Variants in RALGAPA1 observed in about 807,000 individuals in gnomAD.
The protein encoded by RALGAPA1 is Ral GTPase activating protein catalytic subunit alpha 1, also known as ral GTPase-activating protein subunit alpha-1.
A neutral mutation model predicts 269.6 loss-of-function variants in RALGAPA1; 52 were observed. That is an observed-to-expected ratio of 0.19 (90% CI 0.15 to 0.24). The LOEUF (loss-of-function observed/expected upper bound fraction) is 0.24, where lower values mean the gene tolerates loss of function less well. Among genes scored for constraint, RALGAPA1 ranks in the 10% least tolerant of loss-of-function variants. The probability of loss-of-function intolerance (pLI) is 1.00; values close to 1 mark genes in which losing one functional copy is unlikely to be tolerated. For missense variants in RALGAPA1, 1,917 were observed against 3,013.9 expected (o/e 0.64, Z 8.52); for synonymous variants, 817 against 1,008.3 (o/e 0.81, Z 3.60).
intron 10 of RALGAPA1, among the ~76,000 whole-genome samples, 193 bp from the exon 11 acceptor site, chr14:35,742,758 T>C (rs564109066): frequency 6.8e-6 from 1 of 146,554 alleles, no homozygotes; most frequent in Admixed American, 6.7e-5. Flanking sequence ...AAGGTATATT[T>C]CTAGTAAAAA....
At chr14:35,613,672 T>A (rs893575320) in intron 35 of RALGAPA1, among the ~76,000 whole-genome samples, 2 of 152,184 alleles carry the variant, frequency 1.3e-5, no homozygotes, top group Admixed American at 1.3e-4. Context: ...TACATACCCA[T>A]CTTTCCCGTG....
intron 2 of RALGAPA1, 72 bp downstream of exon 2, chr14:35,775,563 C>A: frequency 6.7e-7 from 1 of 1,490,110 alleles, no homozygotes; most frequent in South Asian, 1.4e-5. Context: ...ATATGTCCAA[C>A]AGCCTTTAAG....
At chr14:35,736,141 G>C (rs1350002814) in intron 12 of RALGAPA1, among the ~76,000 whole-genome samples, 1 of 152,210 alleles carries the variant, frequency 6.6e-6, no homozygotes, top group Non-Finnish European at 1.5e-5. Context: ...ACAAGAGGTA[G>C]TGTGTGTGCT....
chr14:35,579,332 A>G (rs2057792028), intron 37 of RALGAPA1, among the ~76,000 whole-genome samples: 1 of 152,124 alleles, frequency 6.6e-6, no homozygotes, highest in African/African-American at 2.4e-5. Flanking sequence ...ATAGTGAGGA[A>G]TTAGAATTTT....
chr14:35,594,721 G>GAA (rs55648804), intron 37 of RALGAPA1, among the ~76,000 whole-genome samples: 7 of 126,672 alleles, frequency 5.5e-5, no homozygotes, highest in African/African-American at 2.0e-4. Context: ...CAGCAATTAT[G>GAA]AAAAAAAAAA....
At chr14:35,794,379 T>G (rs1026890749) in intron 1 of RALGAPA1, among the ~76,000 whole-genome samples, 1 of 152,162 alleles carries the variant, frequency 6.6e-6, no homozygotes, top group East Asian at 1.9e-4. Context: ...GTTGGCTTAC[T>G]TTTATAGGCA....
chr14:35,668,116 T>C (rs995682648), intron 26 of RALGAPA1, among the ~76,000 whole-genome samples: 6 of 151,938 alleles, frequency 3.9e-5, no homozygotes, highest in African/African-American at 1.5e-4. Flanking sequence ...ATGAAGATAA[T>C]AGATTGGTGG....
Position 35,654,277 on chromosome 14 carries a change from T to G in RALGAPA1, c.5607+90A>C. On this transcript the variant is annotated intron_variant, in intron 30 of 41. Transcript: ENST00000680220. ...CCATTATTTAGCTATGCAAAAAAAT[T>G]TTAAAACTATTAAATAATTTTACAA... 3 of 1,337,612 alleles carry G rather than the reference T, an allele frequency of 2.2e-6. No individual in the cohort carries two copies. In the South Asian group the frequency reaches 5.4e-5, roughly 24 times the overall value. The allele number at this position is 1,337,612 out of a possible 1,614,324, so 82.9% of individuals were successfully genotyped here. A position where few individuals can be genotyped will look rare whatever the true frequency, so the allele number is the denominator to read the frequency against.
At chr14:35,646,414 T>C (rs952950943) in intron 31 of RALGAPA1, among the ~76,000 whole-genome samples, 4 of 152,180 alleles carry the variant, frequency 2.6e-5, no homozygotes, top group Non-Finnish European at 5.9e-5. Context: ...CCTGATATAA[T>C]GTATTAAGAG....
At chr14:35,579,601 C>T (rs907701776) in intron 37 of RALGAPA1, among the ~76,000 whole-genome samples, 16 of 72,698 alleles carry the variant, frequency 2.2e-4, no homozygotes, top group South Asian at 1.2e-3. Flanking sequence ...AGTGAGACTC[C>T]GTCTCAAAAA....
At chr14:35,717,968 G>A (rs1037221060) in intron 16 of RALGAPA1, among the ~76,000 whole-genome samples, 3 of 152,228 alleles carry the variant, frequency 2.0e-5, no homozygotes, top group African/African-American at 7.2e-5. Context: ...AAGCCCTAGA[G>A]CATATTCCTA....
In RALGAPA1 at chr14:35,725,010, T is replaced by C. The variant is rs2069761476; in HGVS notation, c.1866+14A>G. The C allele has an allele frequency of 6.3e-7, 1 of 1,581,418 alleles. No homozygotes were observed. The highest frequency in any genetic ancestry group is 8.6e-7 in the Non-Finnish European group (1 of 1,166,226). The stretch of plus-strand genomic sequence containing the variant: ...ATCTATCCAGCTATTCATCTATTTA[T>C]TTATTTTTATTGCCTGGAAAAGTGG... On this transcript the variant is annotated intron_variant, in intron 14 of 41. Coordinates refer to ENST00000680220, the MANE Select transcript of RALGAPA1 (RefSeq NM_001346249.2).
At chr14:35,700,066 ATTAACT>A (rs946683305) in intron 17 of RALGAPA1, 90 bp downstream of exon 17, 58 of 1,139,048 alleles carry the variant, frequency 5.1e-5, no homozygotes, top group East Asian at 1.9e-4. Context: ...CCCCAAAGAA[ATTAACT>A]TTAAAGAGTT....
intron 16 of RALGAPA1, among the ~76,000 whole-genome samples, chr14:35,718,508 C>A (rs552031045): frequency 2.0e-5 from 3 of 152,078 alleles, no homozygotes; most frequent in African/African-American, 7.2e-5. Context: ...AAATTTTTAA[C>A]CATGTACGTT....
At chr14:35,712,564 A>G (rs1201241894) in intron 16 of RALGAPA1, among the ~76,000 whole-genome samples, 1 of 152,142 alleles carries the variant, frequency 6.6e-6, no homozygotes, top group Non-Finnish European at 1.5e-5. Flanking sequence ...GCTGGAGGGC[A>G]GTGGTGCAAT....
At chr14:35,746,736 A>AAATAGAAC (rs1455871515) in intron 10 of RALGAPA1, among the ~76,000 whole-genome samples, 3 of 152,148 alleles carry the variant, frequency 2.0e-5, no homozygotes, top group Non-Finnish European at 4.4e-5. Flanking sequence ...CCAACACAAA[A>AAATAGAAC]AATAGAACTA....
At position 35,627,967 on chromosome 14, in the gene RALGAPA1, A is replaced by G. The variant is rs772274311; in HGVS notation, c.5996-16T>C. On this transcript the variant is annotated splice_polypyrimidine_tract_variant and intron_variant, in intron 33 of 41. Coordinates refer to ENST00000680220, the MANE Select transcript of RALGAPA1 (RefSeq NM_001346249.2). ...TGAGTTTTCACTGGAAATAAAAAATATAAATGAATGGGAATATTGCTGCTT... is the reference window on the plus strand; with the variant it reads ...TGAGTTTTCACTGGAAATAAAAAATGTAAATGAATGGGAATATTGCTGCTT... 1.6e-5 allele frequency: 25 copies of G among 1,540,640 alleles called. No individual in the cohort carries two copies. In the Admixed American group the frequency reaches 4.4e-4, roughly 27 times the overall value.
At chr14:35,622,736 A>C (rs1566848836) in intron 35 of RALGAPA1, among the ~76,000 whole-genome samples, 2 of 152,216 alleles carry the variant, frequency 1.3e-5, no homozygotes, top group Non-Finnish European at 2.9e-5. Context: ...TCATTCCACA[A>C]ATCAGAATAT....
chr14:35,786,696 G>A (rs960930011), intron 1 of RALGAPA1, among the ~76,000 whole-genome samples: 1 of 152,034 alleles, frequency 6.6e-6, no homozygotes, highest in African/African-American at 2.4e-5. Flanking sequence ...ACAAACACTA[G>A]TTCTTTTCTA....
Sources: gnomAD v4.1 joint callset for allele counts (sites outside exome capture counted in the v4.1 genomes callset) on GRCh38, gnomAD v4.1.1 for gene constraint, MANE v1.5 for transcripts, NCBI Gene and HGNC (gene_info 2026-07-23, HGNC 2026-07-21) for gene names.